The following KCNK10 variants were observed in gnomAD, a reference collection of about 807,000 sequenced individuals.
KCNK10 encodes the protein potassium channel subfamily K member 10.
Under a neutral mutation model 47.7 loss-of-function variants are expected in KCNK10, and 25 were observed. That is an observed-to-expected ratio of 0.52 (90% confidence interval 0.38 to 0.73). KCNK10 has a LOEUF of 0.73. Ranked by LOEUF, KCNK10 falls within the 30% of genes least tolerant of loss-of-function variation. The pLI is 0.00. For missense variants in KCNK10, 563 were observed against 714.5 expected (o/e 0.79, Z 2.42); for synonymous variants, 303 against 285.6 (o/e 1.06, Z -0.61).
At chr14:88,256,458 A>G (rs1886958995) in intron 2 of KCNK10, among the ~76,000 whole-genome samples, 1 of 152,048 alleles carries the variant, frequency 6.6e-6, no homozygotes. Context: ...GTGTCTACTT[A>G]ATAAATGTGA....
chr14:88,255,792 C>G (rs1886938025), intron 2 of KCNK10, among the ~76,000 whole-genome samples: 1 of 151,984 alleles, frequency 6.6e-6, no homozygotes, highest in Non-Finnish European at 1.5e-5. Flanking sequence ...CCTAGGAGTT[C>G]CAGGCTACAG....
At chr14:88,213,300 A>G (rs952319891) in intron 4 of KCNK10, among the ~76,000 whole-genome samples, 13 of 152,240 alleles carry the variant, frequency 8.5e-5, no homozygotes, top group Non-Finnish European at 1.9e-4. Flanking sequence ...AAAAAAAATT[A>G]CGATAATTTT....
chr14:88,298,617 C>A (rs528919049), intron 1 of KCNK10, among the ~76,000 whole-genome samples: 24 of 152,192 alleles, frequency 1.6e-4, no homozygotes, highest in African/African-American at 5.3e-4. Flanking sequence ...CCAGTGCCCC[C>A]CTAGCCCAGA....
At chr14:88,224,003 A>G (rs998835943) in intron 4 of KCNK10, among the ~76,000 whole-genome samples, 1 of 144,900 alleles carries the variant, frequency 6.9e-6, no homozygotes, top group African/African-American at 2.6e-5. Context: ...CAACACAGTG[A>G]AATCCCATCT....
Position 88,215,133 on chromosome 14 carries a change from A to G in KCNK10, c.681+12242T>C, listed in dbSNP as rs1278737959. Among the ~76,000 whole-genome samples, 4 of 152,216 alleles carry G rather than the reference A, an allele frequency of 2.6e-5. No individual in the cohort carries two copies. The East Asian group carries it at 7.7e-4, about 29-fold the overall frequency. On this transcript the variant is annotated intron_variant, in intron 4 of 6. Coordinates refer to ENST00000319231, the MANE Select transcript of KCNK10 (RefSeq NM_138317.3). ...ACTTACTGTACAGCTTACTCTAGGT[A>G]AAGCCCAGATAGCCCAGTATCTGGC...
chr14:88,326,435 G>A, upstream of KCNK10: 1 of 1,613,660 alleles, frequency 6.2e-7, no homozygotes, highest in Non-Finnish European at 8.5e-7. Flanking sequence ...AAAGAAAGAA[G>A]TCTGTGTAGA....
In KCNK10 at chr14:88,186,227, C is replaced by A; in HGVS notation, c.1012-72G>T. On this transcript the variant is annotated intron_variant, in intron 6 of 6. Coordinates refer to ENST00000319231, the MANE Select transcript of KCNK10 (RefSeq NM_138317.3). The surrounding 1 kb of genome is among the most constrained non-coding windows in gnomAD (Gnocchi z 5.5). ...TGCCTTGGCCTCCCAGCACCCACAG[C>A]CCTCGGGTGTCCCCACGGGGAGGCC... The A allele has an allele frequency of 6.7e-7, 1 of 1,481,540 alleles. No homozygotes were observed. The highest frequency in any genetic ancestry group is 9.0e-7 in the Non-Finnish European group (1 of 1,114,148). The allele number at this position is 1,481,540 out of a possible 1,614,324, so 91.8% of individuals were successfully genotyped here.
chr14:88,278,274 T>C (rs1485359738), intron 1 of KCNK10, among the ~76,000 whole-genome samples: 1 of 152,228 alleles, frequency 6.6e-6, no homozygotes, highest in Non-Finnish European at 1.5e-5. Flanking sequence ...AGTATCATTT[T>C]CAAGGATTAA....
At chr14:88,254,901 A>G (rs1239736962) in intron 2 of KCNK10, among the ~76,000 whole-genome samples, 1 of 152,198 alleles carries the variant, frequency 6.6e-6, no homozygotes, top group Non-Finnish European at 1.5e-5. Flanking sequence ...GGAGAAGGAA[A>G]TAGCATTTCC....
chr14:88,197,572 TAAAAAAAAAAAAAAA>T (rs71417717), intron 4 of KCNK10, among the ~76,000 whole-genome samples: 86 of 17,150 alleles, frequency 5.0e-3, no homozygotes, highest in South Asian at 0.031. Flanking sequence ...AGACTCCGAC[TAAAAAAAAAAAAAAA>T]AAAAAAAAAA....
At chr14:88,298,914 C>T (rs1353202779) in intron 1 of KCNK10, among the ~76,000 whole-genome samples, 1 of 152,172 alleles carries the variant, frequency 6.6e-6, no homozygotes. Context: ...CTCAGTTTCC[C>T]TCTCTGTTGT....
chr14:88,267,843 G>A (rs914491873), intron 1 of KCNK10, among the ~76,000 whole-genome samples: 1 of 152,152 alleles, frequency 6.6e-6, no homozygotes, highest in African/African-American at 2.4e-5. Context: ...GAGGATGGTG[G>A]TGCTGATGGT....
chr14:88,294,611 C>T (rs766412735), intron 1 of KCNK10, among the ~76,000 whole-genome samples: 14 of 152,176 alleles, frequency 9.2e-5, no homozygotes, highest in Admixed American at 2.6e-4. Context: ...TCTGCCTATG[C>T]CCATGACACT....
At position 88,192,344 on chromosome 14, in the gene KCNK10, T is replaced by C. The variant is rs753760082; in HGVS notation, c.748A>G (p.Ile250Val). Reference sequence around the variant, plus strand: ...ACAGCAGGGATCGTCACAAACACAATGCAGCCGGCCAAGATGAACAGGATG... The same window carrying C: ...ACAGCAGGGATCGTCACAAACACAACGCAGCCGGCCAAGATGAACAGGATG... ...STILFILAGCIVFVTIPAVIF... is the reference protein window; with the variant it reads ...STILFILAGCVVFVTIPAVIF... The change falls in exon 5 of 7, where the codon ATT becomes GTT. Residue 250 changes from isoleucine (I) to valine (V), a missense_variant. By Grantham distance (29) the Ile-to-Val change is conservative. Coordinates refer to ENST00000319231, the MANE Select transcript of KCNK10 (RefSeq NM_138317.3). The C allele has an allele frequency of 8.7e-6, 14 of 1,614,112 alleles. No individual in the cohort carries two copies. The South Asian group carries it at 1.4e-4, about 16-fold the overall frequency.
chr14:88,293,231 C>A (rs542765402), intron 1 of KCNK10, among the ~76,000 whole-genome samples: 1 of 152,294 alleles, frequency 6.6e-6, no homozygotes, highest in South Asian at 2.1e-4. Context: ...GCCACCCCTT[C>A]TCATTATGGA....
chr14:88,298,123 A>G (rs1366488571), intron 1 of KCNK10, among the ~76,000 whole-genome samples: 1 of 152,222 alleles, frequency 6.6e-6, no homozygotes, highest in African/African-American at 2.4e-5. Context: ...ATATAAGGAA[A>G]TTGAAAAGGA....
At chr14:88,207,971 A>T (rs1340976648) in intron 4 of KCNK10, among the ~76,000 whole-genome samples, 1 of 152,212 alleles carries the variant, frequency 6.6e-6, no homozygotes, top group African/African-American at 2.4e-5. Context: ...CACACGCAAA[A>T]GTCTGGAGAT....
chr14:88,321,978 G>A (rs1407726306), intron 1 of KCNK10, among the ~76,000 whole-genome samples: 3 of 152,166 alleles, frequency 2.0e-5, no homozygotes, highest in Non-Finnish European at 4.4e-5. Flanking sequence ...CACGGTGGCC[G>A]ACGCTAGGCA....
intron 5 of KCNK10, among the ~76,000 whole-genome samples, chr14:88,189,115 C>T (rs1341836710): frequency 6.6e-6 from 1 of 152,158 alleles, no homozygotes; most frequent in Non-Finnish European, 1.5e-5. Flanking sequence ...ACTTTCCCAC[C>T]AGACCAAGGT....
Sources: allele counts gnomAD v4.1 joint callset (sites outside exome capture counted in the v4.1 genomes callset), GRCh38; gene constraint gnomAD v4.1.1; non-coding constraint Gnocchi (gnomAD v3.1); transcripts MANE v1.5; gene names NCBI Gene and HGNC (gene_info 2026-07-23, HGNC 2026-07-21).